The following STK10 variants were observed in gnomAD, a reference collection of about 807,000 sequenced individuals.
STK10 encodes the protein serine/threonine-protein kinase 10.
In STK10, 78 loss-of-function variants were observed where a neutral mutation model predicts 113.8. The ratio of observed to expected loss-of-function variants is 0.69; its 90% CI spans 0.57 to 0.83. The LOEUF (loss-of-function observed/expected upper bound fraction) is 0.83. Among genes scored for constraint, STK10 ranks in the 40% least tolerant of loss-of-function variants. STK10 has a pLI of 0.00. For missense variants in STK10, 1,109 were observed against 1,280.1 expected (o/e 0.87, Z 2.04); for synonymous variants, 465 against 494.7 (o/e 0.94, Z 0.80).
rs749133966 is a variant in STK10 at position 172,107,855 on chromosome 5, G to A, written c.521-3C>T. On this transcript the variant is annotated splice_polypyrimidine_tract_variant and splice_region_variant and intron_variant, in intron 4 of 18. Transcript: ENST00000176763. ...CTTGGCAGACACACCAAAGTCAGCT[G>A]CAAGACAAAATCTCAGCTAGCGTTT... 1 of 1,614,042 alleles carries A rather than the reference G, an allele frequency of 6.2e-7. No homozygotes were observed. The highest frequency in any genetic ancestry group is 8.5e-7 in the Non-Finnish European group (1 of 1,179,924).
chr5:172,141,496 G>A (rs1769971299), intron 2 of STK10, among the ~76,000 whole-genome samples: 1 of 151,428 alleles, frequency 6.6e-6, no homozygotes, highest in South Asian at 2.1e-4. Flanking sequence ...TGGGAGGATG[G>A]CTTGTGCCCA....
chr5:172,141,881 A>G (rs1407495947), intron 2 of STK10, among the ~76,000 whole-genome samples: 1 of 152,216 alleles, frequency 6.6e-6, no homozygotes, highest in Non-Finnish European at 1.5e-5. Context: ...TAGATCGAGC[A>G]GCTGTCGTGG....
intron 10 of STK10, among the ~76,000 whole-genome samples, chr5:172,085,716 G>A (rs995879119): frequency 2.6e-5 from 4 of 151,086 alleles, no homozygotes; most frequent in Non-Finnish European, 5.9e-5. Context: ...AGAGAAAATT[G>A]CTACATATCA....
intron 1 of STK10, among the ~76,000 whole-genome samples, chr5:172,173,703 C>A (rs1392720426): frequency 6.6e-6 from 1 of 152,184 alleles, no homozygotes; most frequent in Non-Finnish European, 1.5e-5. Context: ...CCAGAAGCAC[C>A]CTGCAGTGTA....
intron 9 of STK10, among the ~76,000 whole-genome samples, chr5:172,090,926 C>A (rs1768687288): frequency 7.9e-6 from 1 of 127,032 alleles, no homozygotes; most frequent in Non-Finnish European, 1.6e-5. Flanking sequence ...TACAGCTAGA[C>A]TCCGTCTCTA....
chr5:172,119,537 G>A (rs1380564427), intron 3 of STK10, among the ~76,000 whole-genome samples: 1 of 152,086 alleles, frequency 6.6e-6, no homozygotes, highest in Non-Finnish European at 1.5e-5. Flanking sequence ...GCCACATAGC[G>A]AGACCCAGCT....
At chr5:172,072,099 C>T (rs1025236569) in intron 12 of STK10, among the ~76,000 whole-genome samples, 2 of 151,976 alleles carry the variant, frequency 1.3e-5, no homozygotes, top group African/African-American at 2.4e-5. Flanking sequence ...AAAGCTGATG[C>T]AATATTTTAA....
At chr5:172,053,925 T>C (rs895238639) in intron 17 of STK10, among the ~76,000 whole-genome samples, 4 of 152,176 alleles carry the variant, frequency 2.6e-5, no homozygotes, top group Non-Finnish European at 5.9e-5. Flanking sequence ...GGAAAACGGA[T>C]GCGGAAGGTG....
intron 1 of STK10, among the ~76,000 whole-genome samples, chr5:172,177,098 C>T (rs960832933): frequency 1.3e-5 from 2 of 151,716 alleles, no homozygotes; most frequent in African/African-American, 4.8e-5. Context: ...CACTTGAACC[C>T]AGGAGGCGAT....
Position 172,093,640 on chromosome 5 carries a change from G to A in STK10, c.1326C>T (p.Asn442=), listed in dbSNP as rs1349727276. The change falls in exon 9 of 19, where the codon AAC becomes AAT. Residue 442 remains asparagine (N), a synonymous_variant. Transcript: ENST00000176763. The surrounding 1 kb of genome is among the most constrained non-coding windows in gnomAD (Gnocchi z 4.1). The part of the protein sequence containing the change: ...EQGGDLSPAA[N]RSQKASQSRP... Reference sequence around the variant, plus strand: ...GGCTCTGGCTGGCCTTTTGAGATCTGTTGGCTGCTGGGCTGAGGTCCCCAC... The same window carrying A: ...GGCTCTGGCTGGCCTTTTGAGATCTATTGGCTGCTGGGCTGAGGTCCCCAC... 1 of 1,614,262 alleles carries A rather than the reference G, an allele frequency of 6.2e-7. No individual in the cohort carries two copies. The highest frequency in any genetic ancestry group is 8.5e-7 in the Non-Finnish European group (1 of 1,180,046).
rs1767386433 is a variant in STK10 at position 172,042,110 on chromosome 5, C to T, written c.*2772G>A. On this transcript the variant is annotated 3_prime_UTR_variant, in exon 19 of 19. Transcript: ENST00000176763. ...TGTTATTTTATTAGAAGCATATTTA[C>T]ATTCTTGTAGTTAACTTTCCAGAGA... 6.6e-6 allele frequency: 1 copy of T among 152,572 alleles called. No homozygotes were observed. The highest frequency in any genetic ancestry group is 1.5e-5 in the Non-Finnish European group (1 of 68,034). The allele number at this position is 152,572 out of a possible 1,614,324, so 9.5% of individuals were successfully genotyped here. A position where few individuals can be genotyped will look rare whatever the true frequency, so the allele number is the denominator to read the frequency against.
chr5:172,070,909 T>C (rs1222174381), intron 12 of STK10, among the ~76,000 whole-genome samples: 2 of 152,030 alleles, frequency 1.3e-5, no homozygotes, highest in African/African-American at 4.8e-5. Context: ...AGACAGAAGC[T>C]ACTAAAGTTT....
At chr5:172,052,844 G>A (rs977976185) in intron 18 of STK10, 85 bp downstream of exon 18, 4 of 1,293,052 alleles carry the variant, frequency 3.1e-6, no homozygotes, top group Non-Finnish European at 4.4e-6. Flanking sequence ...ACCAAAATAA[G>A]GAGACCTAAC....
At chr5:172,054,099 AGGG>A (rs1267478737) in intron 17 of STK10, among the ~76,000 whole-genome samples, 1 of 152,156 alleles carries the variant, frequency 6.6e-6, no homozygotes, top group Non-Finnish European at 1.5e-5. Context: ...CGTCCCCACA[AGGG>A]GGCTTCAAGT....
At chr5:172,154,279 C>T (rs1770300648) in intron 2 of STK10, among the ~76,000 whole-genome samples, 1 of 152,208 alleles carries the variant, frequency 6.6e-6, no homozygotes, top group Non-Finnish European at 1.5e-5. Flanking sequence ...ACTTTGAGAA[C>T]CACTGCAGTA....
chr5:172,090,080 C>G, intron 10 of STK10, 152 bp downstream of exon 10: 1 of 1,101,274 alleles, frequency 9.1e-7, no homozygotes. Flanking sequence ...TGGGGGAGTG[C>G]AGGATCGCAG....
chr5:172,137,815 C>A (rs1769895310), intron 2 of STK10, among the ~76,000 whole-genome samples: 1 of 148,524 alleles, frequency 6.7e-6, no homozygotes. Flanking sequence ...ATGGCATGAA[C>A]CTGGAGGCGG....
At chr5:172,112,714 C>T (rs188682427) in intron 4 of STK10, among the ~76,000 whole-genome samples, 9 of 151,554 alleles carry the variant, frequency 5.9e-5, no homozygotes, top group Non-Finnish European at 1.3e-4. Context: ...CCACTGCACC[C>T]GGCCAGGACC....
At chr5:172,142,621 C>T (rs1769998794) in intron 2 of STK10, among the ~76,000 whole-genome samples, 1 of 151,948 alleles carries the variant, frequency 6.6e-6, no homozygotes, top group Non-Finnish European at 1.5e-5. Context: ...CTAAAAAATG[C>T]CTGGACCTCA....
Sources: allele counts gnomAD v4.1 joint callset (sites outside exome capture counted in the v4.1 genomes callset), GRCh38; gene constraint gnomAD v4.1.1; non-coding constraint Gnocchi (gnomAD v3.1); transcripts MANE v1.5; gene names NCBI Gene and HGNC (gene_info 2026-07-23, HGNC 2026-07-21).